The following RORA variants were observed in gnomAD, a reference collection of about 807,000 sequenced individuals.
The protein encoded by RORA is nuclear receptor ROR-alpha.
Under a neutral mutation model 69.5 loss-of-function variants are expected in RORA, and 7 were observed. The ratio of observed to expected loss-of-function variants is 0.10; its 90% confidence interval spans 0.06 to 0.19. The LOEUF is 0.19. RORA is among the 10% of genes least tolerant of loss of function. RORA has a pLI of 1.00. For synonymous variants in RORA, 261 were observed against 240.8 expected (o/e 1.08, Z -0.78); for missense variants, 457 against 663.0 (o/e 0.69, Z 3.41).
intron 1 of RORA, among the ~76,000 whole-genome samples, chr15:60,766,215 G>A (rs771113603): frequency 5.3e-5 from 8 of 152,090 alleles, no homozygotes; most frequent in Non-Finnish European, 1.0e-4. Context: ...ATGGAATTGT[G>A]TGTGAGCCTG....
chr15:60,639,043 C>A (rs12592002), intron 2 of RORA, among the ~76,000 whole-genome samples: 1 of 151,870 alleles, frequency 6.6e-6, no homozygotes, highest in African/African-American at 2.4e-5. Flanking sequence ...ACAGCGAAAC[C>A]GTGCCTCCTT....
intron 1 of RORA, among the ~76,000 whole-genome samples, chr15:60,734,960 T>C (rs2071478987): frequency 6.6e-6 from 1 of 152,222 alleles, no homozygotes; most frequent in Non-Finnish European, 1.5e-5. Flanking sequence ...CAGACAACCA[T>C]GGGCAGCACA....
rs968501053 is a variant in RORA at position 60,775,180 on chromosome 15, G to T, written c.167-96494C>A. On this transcript the variant is annotated intron_variant, in intron 1 of 10. Transcript: ENST00000335670. ...ATTTGCCTTCAGCACTAGTAGTAAC[G>T]TGACTCTAAATGGATGGGTTTTCCA... Among the ~76,000 whole-genome samples, 6 of 152,092 alleles carry T rather than the reference G, an allele frequency of 3.9e-5. No homozygotes were observed. In the East Asian group the frequency reaches 1.2e-3, roughly 29 times the overall value.
intron 1 of RORA, among the ~76,000 whole-genome samples, chr15:60,734,938 A>T (rs1349732092): frequency 6.6e-6 from 1 of 152,230 alleles, no homozygotes; most frequent in Admixed American, 6.5e-5. Flanking sequence ...ATTTGCACTC[A>T]GACTTGACTT....
At chr15:61,080,556 A>T (rs2078524143) in intron 1 of RORA, among the ~76,000 whole-genome samples, 1 of 152,184 alleles carries the variant, frequency 6.6e-6, no homozygotes, top group Non-Finnish European at 1.5e-5. Flanking sequence ...CATGGCTCAA[A>T]TGCGGCATCA....
At chr15:61,143,360 C>A (rs1373205299) in intron 1 of RORA, among the ~76,000 whole-genome samples, 1 of 152,082 alleles carries the variant, frequency 6.6e-6, no homozygotes, top group African/African-American at 2.4e-5. Context: ...TGGAAAGACT[C>A]ATTGTAAAGA....
At chr15:61,119,422 A>G (rs2079082228) in intron 1 of RORA, among the ~76,000 whole-genome samples, 1 of 150,836 alleles carries the variant, frequency 6.6e-6, no homozygotes, top group Non-Finnish European at 1.5e-5. Context: ...CACTATATAT[A>G]TATATATACA....
intron 1 of RORA, among the ~76,000 whole-genome samples, chr15:60,911,647 T>C (rs1192897839): frequency 2.6e-5 from 4 of 151,842 alleles, no homozygotes; most frequent in African/African-American, 2.4e-5. Context: ...TACTAAGCAA[T>C]TCGTTTTGGG....
intron 2 of RORA, among the ~76,000 whole-genome samples, chr15:60,646,518 G>A (rs1379528236): frequency 6.6e-6 from 1 of 152,112 alleles, no homozygotes; most frequent in Admixed American, 6.5e-5. Flanking sequence ...AATAAAACCC[G>A]GGTATGTGAA....
At chr15:61,015,026 G>A (rs190948440) in intron 1 of RORA, among the ~76,000 whole-genome samples, 4 of 152,200 alleles carry the variant, frequency 2.6e-5, no homozygotes, top group Admixed American at 2.0e-4. Flanking sequence ...AGCAAGCACC[G>A]GATCTCTCCT....
At chr15:61,222,896 T>A (rs1466758526) in intron 1 of RORA, among the ~76,000 whole-genome samples, 1 of 152,188 alleles carries the variant, frequency 6.6e-6, no homozygotes, top group Non-Finnish European at 1.5e-5. Flanking sequence ...ACCCCTTCAA[T>A]ATATCTATGT....
intron 1 of RORA, among the ~76,000 whole-genome samples, chr15:61,190,322 T>C (rs572675377): frequency 4.6e-4 from 70 of 152,322 alleles, no homozygotes; most frequent in African/African-American, 1.6e-3. Flanking sequence ...TTCTATAAAA[T>C]TGATTGTTTT....
At chr15:61,167,600 T>C (rs2079549793) in intron 1 of RORA, among the ~76,000 whole-genome samples, 1 of 150,536 alleles carries the variant, frequency 6.6e-6, no homozygotes, top group African/African-American at 2.5e-5. Context: ...CACCAGGTGG[T>C]GACAGTGTGC....
chr15:61,021,329 C>T (rs1895511998), intron 1 of RORA, among the ~76,000 whole-genome samples: 1 of 152,212 alleles, frequency 6.6e-6, no homozygotes, highest in Non-Finnish European at 1.5e-5. Flanking sequence ...TTAGAAAACC[C>T]TAAATACACC....
At chr15:60,925,011 AGAGGTTGCAGTGAGCT>A (rs1244276497) in intron 1 of RORA, among the ~76,000 whole-genome samples, 1 of 152,004 alleles carries the variant, frequency 6.6e-6, no homozygotes, top group Non-Finnish European at 1.5e-5. Context: ...CCCAGGAGGC[AGAGGTTGCAGTGAGCT>A]GAGATTGGGT....
At chr15:61,047,139 C>A (rs539236160) in intron 1 of RORA, among the ~76,000 whole-genome samples, 7 of 152,170 alleles carry the variant, frequency 4.6e-5, no homozygotes, top group African/African-American at 1.4e-4. Context: ...GCATGCTGAG[C>A]GGCCTTCAAA....
At chr15:61,095,925 T>C (rs2140731581) in intron 1 of RORA, among the ~76,000 whole-genome samples, 1 of 152,312 alleles carries the variant, frequency 6.6e-6, no homozygotes, top group East Asian at 1.9e-4. Context: ...CTCAGAATGA[T>C]GAGATGGCCC....
chr15:60,749,048 A>G (rs1030501225), intron 1 of RORA, among the ~76,000 whole-genome samples: 2 of 152,226 alleles, frequency 1.3e-5, no homozygotes, highest in African/African-American at 4.8e-5. Flanking sequence ...CCTAGAGTCC[A>G]TCCCCAGGGA....
chr15:60,810,578 T>C (rs536952498), intron 1 of RORA, among the ~76,000 whole-genome samples: 1 of 152,316 alleles, frequency 6.6e-6, no homozygotes, highest in South Asian at 2.1e-4. Context: ...GCTTCTACTC[T>C]TCAATTTTTA....
Sources: allele counts gnomAD v4.1 joint callset (sites outside exome capture counted in the v4.1 genomes callset), GRCh38; gene constraint gnomAD v4.1.1; transcripts MANE v1.5; gene names NCBI Gene and HGNC (gene_info 2026-07-23, HGNC 2026-07-21).